TNFRSF25: variants seen among roughly 807,000 people sequenced by gnomAD.
TNFRSF25 encodes tumor necrosis factor receptor superfamily member 25.
TNFRSF25 carries 28 observed loss-of-function variants against 49.4 expected under a neutral mutation model. The observed-to-expected ratio is 0.57, with a 90% CI of 0.42 to 0.78. The LOEUF is 0.78. Among genes scored for constraint, TNFRSF25 ranks in the 30% least tolerant of loss-of-function variants. The probability of loss-of-function intolerance (pLI) is 0.00; values close to 1 mark genes in which losing one functional copy is unlikely to be tolerated. For synonymous variants in TNFRSF25, 240 were observed against 234.2 expected, an observed-to-expected ratio of 1.02 and a Z score of -0.23; for missense variants, 531 against 581.6, an observed-to-expected ratio of 0.91 and a Z score of 0.90.
At chr1:6,466,002 C>T (rs1569812708) in intron 1 of TNFRSF25, 67 bp downstream of exon 1, 1 of 1,529,142 alleles carries the variant, frequency 6.5e-7, no homozygotes, top group East Asian at 2.6e-5. Flanking sequence ...GCCCGGGGCC[C>T]CTTCCTTCAC....
intron 5 of TNFRSF25, 177 bp from the exon 6 acceptor site, chr1:6,463,304 C>G (rs1405213914): frequency 4.7e-6 from 3 of 642,726 alleles, no homozygotes; most frequent in Non-Finnish European, 8.0e-6. Context: ...ATTCACTGAG[C>G]TTCTTCTAGA....
intron 3 of TNFRSF25, 69 bp from the exon 4 acceptor site, chr1:6,464,788 A>T: frequency 6.4e-7 from 1 of 1,554,384 alleles, no homozygotes; most frequent in South Asian, 1.1e-5. Flanking sequence ...GGAGAGGCAG[A>T]GGCATTATCC....
At position 6,465,080 on chromosome 1, in the gene TNFRSF25, C is replaced by G; in HGVS notation, c.295+8G>C. On this transcript the variant is annotated splice_region_variant and intron_variant, in intron 3 of 9. Coordinates refer to ENST00000356876, the MANE Select transcript of TNFRSF25 (RefSeq NM_003790.3). The stretch of plus-strand genomic sequence containing the variant: ...GAACTCCCTGCCAAGCACTGAGAAG[C>G]CCCTCACCCTGCTCATCACAGGCCT... 6.2e-7 allele frequency: 1 copy of G among 1,608,984 alleles called. No homozygotes were observed. Among genetic ancestry groups the G allele is most frequent in the Non-Finnish European group, 8.5e-7 (1 of 1,177,670 alleles).
chr1:6,465,452 C>T lies in TNFRSF25; in HGVS notation c.148G>A (p.Gly50Ser). The change falls in exon 2 of 10, where the codon GGC becomes AGC. Residue 50 changes from glycine to serine, a missense_variant. By Grantham distance (56) the Gly-to-Ser change is moderately conservative. Coordinates refer to ENST00000356876, the MANE Select transcript of TNFRSF25 (RefSeq NM_003790.3). ...HKKIGLFCCR[G>S]CPAGHYLKAP... ...TGTGGCCACTTACCCGCTGGGCAGC[C>T]TCTGCAACAAAACAGACCAATCTTC... 2 of 1,614,068 alleles carry T rather than the reference C, an allele frequency of 1.2e-6. No homozygotes were observed. The highest frequency in any genetic ancestry group is 1.1e-5 in the South Asian group (1 of 91,090).
chr1:6,464,474 G>A, intron 4 of TNFRSF25, 21 bp from the exon 5 acceptor site: 1 of 1,611,586 alleles, frequency 6.2e-7, no homozygotes, highest in Non-Finnish European at 8.5e-7. Context: ...GGAGAGGCAT[G>A]CGTCACCATG....
At position 6,462,065 on chromosome 1, in the gene TNFRSF25, T is replaced by C. The variant is rs199685043; in HGVS notation, c.854A>G (p.Tyr285Cys). 99 of 1,613,172 alleles carry C rather than the reference T, an allele frequency of 6.1e-5. No homozygotes were observed. Among genetic ancestry groups the C allele is most frequent in the Admixed American group, 2.0e-4 (12 of 59,946 alleles). The change falls in exon 9 of 10, where the codon TAC becomes TGC. Residue 285 changes from tyrosine to cysteine, a missense_variant. By Grantham distance (194) the Tyr-to-Cys change is radical. Transcript: ENST00000356876. The surrounding 1 kb of genome is among the most constrained non-coding windows in gnomAD (Gnocchi z 4.2). ...QLVGNSWTPG[Y>C]PETQEALCPQ... ...GCAGAGCGCCTCCTGGGTCTCGGGGTAGCCAGGGGTCCAGCTGTTACCCAC... is the reference window on the plus strand; with the variant it reads ...GCAGAGCGCCTCCTGGGTCTCGGGGCAGCCAGGGGTCCAGCTGTTACCCAC...
Position 6,462,924 on chromosome 1 carries a change from C to G in TNFRSF25, c.645G>C (p.Leu215=). The change falls in exon 7 of 10, where the codon CTG becomes CTC. Residue 215 remains leucine (L), a synonymous_variant. Coordinates refer to ENST00000356876, the MANE Select transcript of TNFRSF25 (RefSeq NM_003790.3). This position sits in a 1 kb window ranked among gnomAD's most constrained non-coding sequence, Gnocchi z 4.2. ...VLLAGLVVPL[L]LGATLTYTYR... ...ATGTGTAGGTCAGGGTGGCCCCAAG[C>G]AGGAGGGGGACCACAAGGCCAGCCA... is the stretch of plus-strand genomic sequence containing the variant. 5 of 1,603,976 alleles carry G rather than the reference C, an allele frequency of 3.1e-6. No individual in the cohort carries two copies. The highest frequency in any genetic ancestry group is 4.3e-6 in the Non-Finnish European group (5 of 1,175,524).
At chr1:6,464,177 T>G (rs1644264384) in intron 5 of TNFRSF25, 198 bp downstream of exon 5, 1 of 1,440,642 alleles carries the variant, frequency 6.9e-7, no homozygotes, top group Non-Finnish European at 9.1e-7. Context: ...AATACCCTTA[T>G]GTATCTGGCT....
chr1:6,464,126 G>A (rs1644261898), intron 5 of TNFRSF25: 2 of 1,377,820 alleles, frequency 1.5e-6, no homozygotes, highest in East Asian at 5.7e-5. Flanking sequence ...GTAATATCTG[G>A]CTAGGATCGC....
In TNFRSF25 at chr1:6,461,099, G is replaced by C; in HGVS notation, c.*335C>G. On this transcript the variant is annotated 3_prime_UTR_variant, in exon 10 of 10. Coordinates refer to ENST00000356876, the MANE Select transcript of TNFRSF25 (RefSeq NM_003790.3). The surrounding 1 kb of genome is among the most constrained non-coding windows in gnomAD (Gnocchi z 6.3). Reference sequence around the variant, plus strand: ...TTCCCGTCCCCTTCGAATCCCTCGAGAAAAGTCCAGTCCACTTAACACCCC... The same window carrying C: ...TTCCCGTCCCCTTCGAATCCCTCGACAAAAGTCCAGTCCACTTAACACCCC... 1.8e-6 allele frequency: 1 copy of C among 549,854 alleles called. No individual in the cohort carries two copies. Among genetic ancestry groups the C allele is most frequent in the Non-Finnish European group, 3.6e-6 (1 of 279,612 alleles). 34.1% of individuals were successfully genotyped at this position (549,854 alleles called of 1,614,324 possible).
In TNFRSF25 at chr1:6,461,720, C is replaced by A; in HGVS notation, c.968G>T (p.Gly323Val). ...APTLSPESPA[G>V]SPAMMLQPGP... ...CGGCTGCAGCATCATGGCTGGCGAG[C>A]CGGCTGGGGACTCTGGCGAGAGTGT... Residue 323 changes from glycine to valine, a missense_variant, in exon 10 of 10, where the codon GGC becomes GTC. Transcript: ENST00000356876. This position sits in a 1 kb window ranked among gnomAD's most constrained non-coding sequence, Gnocchi z 6.3. The A allele has an allele frequency of 1.9e-6, 3 of 1,553,928 alleles. No individual in the cohort carries two copies. The highest frequency in any genetic ancestry group is 1.4e-5 in the African/African-American group (1 of 73,828).
At position 6,461,412 on chromosome 1, in the gene TNFRSF25, T is replaced by C. The variant is rs759981242; in HGVS notation, c.*22A>G. 6.7e-7 allele frequency: 1 copy of C among 1,485,050 alleles called. No individual in the cohort carries two copies. Among genetic ancestry groups the C allele is most frequent in the Non-Finnish European group, 8.9e-7 (1 of 1,118,358 alleles). The allele number at this position is 1,485,050 out of a possible 1,614,324, so 92.0% of individuals were successfully genotyped here. ...CTTCTGCAAGGGCCACCAGAGCGCC[T>C]AGGTGGCAAGTGGGCGCCGTGTCAC... On this transcript the variant is annotated 3_prime_UTR_variant, in exon 10 of 10. Coordinates refer to ENST00000356876, the MANE Select transcript of TNFRSF25 (RefSeq NM_003790.3). The surrounding 1 kb of genome is among the most constrained non-coding windows in gnomAD (Gnocchi z 6.3).
rs984749689 is a variant in TNFRSF25, at chr1:6,461,299, G to A, written c.*135C>T. The stretch of plus-strand genomic sequence containing the variant: ...GGAGCGATAGGGGCGAGCAGGGGTG[G>A]GGCCGGCTGGTGCTGCTACGCAGGG... On this transcript the variant is annotated 3_prime_UTR_variant, in exon 10 of 10. Coordinates refer to ENST00000356876, the MANE Select transcript of TNFRSF25 (RefSeq NM_003790.3). This position sits in a 1 kb window ranked among gnomAD's most constrained non-coding sequence, Gnocchi z 6.3. 9.5e-6 allele frequency: 11 copies of A among 1,153,528 alleles called. No individual in the cohort carries two copies. The Admixed American group carries it at 2.0e-4, about 21-fold the overall frequency. The allele number at this position is 1,153,528 out of a possible 1,614,324, so 71.5% of individuals were successfully genotyped here.
At chr1:6,464,491 G>C in intron 4 of TNFRSF25, 38 bp from the exon 5 acceptor site, 2 of 1,612,352 alleles carry the variant, frequency 1.2e-6, no homozygotes, top group Non-Finnish European at 1.7e-6. Flanking sequence ...CATGGGACAG[G>C]AGTGGGTCAG....
intron 2 of TNFRSF25, 79 bp from the exon 3 acceptor site, chr1:6,465,301 C>A (rs1644315708): frequency 1.9e-6 from 3 of 1,563,042 alleles, no homozygotes; most frequent in East Asian, 2.3e-5. Flanking sequence ...TGCCCTCCCT[C>A]CCTCTTTCTC....
Position 6,461,719 on chromosome 1 carries a change from G to A in TNFRSF25, c.969C>T (p.Gly323=). 6.4e-7 allele frequency: 1 copy of A among 1,554,312 alleles called. No individual in the cohort carries two copies. The highest frequency in any genetic ancestry group is 1.9e-5 in the Admixed American group (1 of 53,170). The change falls in exon 10 of 10, where the codon GGC becomes GGT. Residue 323 remains glycine (G), a synonymous_variant. Coordinates refer to ENST00000356876, the MANE Select transcript of TNFRSF25 (RefSeq NM_003790.3). The surrounding 1 kb of genome is among the most constrained non-coding windows in gnomAD (Gnocchi z 6.3). ...CCGGCTGCAGCATCATGGCTGGCGA[G>A]CCGGCTGGGGACTCTGGCGAGAGTG... ...APTLSPESPA[G]SPAMMLQPGP... is the part of the protein sequence containing the mutation.
At position 6,462,066 on chromosome 1, in the gene TNFRSF25, A is replaced by G; in HGVS notation, c.853T>C (p.Tyr285His). ...CAGAGCGCCTCCTGGGTCTCGGGGTAGCCAGGGGTCCAGCTGTTACCCACC... is the reference window on the plus strand; with the variant it reads ...CAGAGCGCCTCCTGGGTCTCGGGGTGGCCAGGGGTCCAGCTGTTACCCACC... ...QLVGNSWTPG[Y>H]PETQEALCPQ... Residue 285 changes from tyrosine to histidine, a missense_variant, in exon 9 of 10, where the codon TAC becomes CAC. Transcript: ENST00000356876. The surrounding 1 kb of genome is among the most constrained non-coding windows in gnomAD (Gnocchi z 4.2). 6.2e-7 allele frequency: 1 copy of G among 1,613,810 alleles called. No homozygotes were observed. The highest frequency in any genetic ancestry group is 1.1e-5 in the South Asian group (1 of 91,064).
rs1366754935 is a variant in TNFRSF25 at position 6,465,159 on chromosome 1, T to C, written c.224A>G (p.Gln75Arg). Residue 75 changes from glutamine to arginine, a missense_variant, in exon 3 of 10, where the codon CAA becomes CGA. Transcript: ENST00000356876. ...CGNSTCLVCP[Q>R]DTFLAWENHH... ...GTTCTCCCAGGCCAAGAAGGTGTCT[T>C]GGGGACACACAAGGCAGGTGGAGTT... is the stretch of plus-strand genomic sequence containing the variant. The C allele has an allele frequency of 6.2e-7, 1 of 1,613,904 alleles. No homozygotes were observed. Among genetic ancestry groups the C allele is most frequent in the Non-Finnish European group, 8.5e-7 (1 of 1,179,978 alleles).
rs1644207953 is a variant in TNFRSF25, at chr1:6,462,534, C to G, written c.744+95G>C. On this transcript the variant is annotated intron_variant, in intron 8 of 9. Transcript: ENST00000356876. This position sits in a 1 kb window ranked among gnomAD's most constrained non-coding sequence, Gnocchi z 4.2. ...CAACACCTCTGTCCACTAGGGCTAC[C>G]CGGTGCTGGCCGCGTGCCAAGCTCC... The G allele has an allele frequency of 5.8e-6, 9 of 1,556,698 alleles. No individual in the cohort carries two copies. The Admixed American group carries it at 1.1e-4, about 20-fold the overall frequency.
Sources: allele counts gnomAD v4.1 joint callset, GRCh38; gene constraint gnomAD v4.1.1; non-coding constraint Gnocchi (gnomAD v3.1); transcripts MANE v1.5; gene names NCBI Gene and HGNC (gene_info 2026-07-23, HGNC 2026-07-21).